CEP112: variants seen among roughly 807,000 people sequenced by gnomAD.
CEP112 encodes centrosomal protein of 112 kDa.
In CEP112, 127 loss-of-function variants were observed where a neutral mutation model predicts 153.0. That is an observed-to-expected ratio of 0.83 (90% CI 0.72 to 0.96). CEP112 has a LOEUF of 0.96. Ranked by LOEUF, CEP112 falls within the 40% of genes least tolerant of loss-of-function variation. The pLI is 0.00. For missense variants in CEP112, 1,089 were observed against 1,101.2 expected (o/e 0.99, Z 0.16); for synonymous variants, 358 against 374.4 (o/e 0.96, Z 0.51).
At chr17:66,017,469 G>C (rs62063368) in intron 16 of CEP112, among the ~76,000 whole-genome samples, 62,503 of 151,898 alleles carry the variant, frequency 0.41, 14,316 homozygotes, top group East Asian at 0.87. Context: ...ATATCCCTAG[G>C]ACCCAGGATA....
chr17:66,040,306 C>T, intron 12 of CEP112, among the ~76,000 whole-genome samples: 1 of 152,140 alleles, frequency 6.6e-6, no homozygotes, highest in African/African-American at 2.4e-5. Context: ...ATAATTTGAG[C>T]ACCTTTTTAA....
intron 17 of CEP112, among the ~76,000 whole-genome samples, chr17:65,990,862 T>C (rs1270107372): frequency 2.6e-5 from 4 of 152,212 alleles, no homozygotes; most frequent in African/African-American, 9.6e-5. Context: ...CCATCTGGCA[T>C]GGAGAAATCT....
intron 6 of CEP112, among the ~76,000 whole-genome samples, chr17:66,100,603 A>G (rs12451310): frequency 1 from 151,938 of 151,942 alleles, 75,967 homozygotes; most frequent in Middle Eastern, 1. Context: ...ATTCCCTGAA[A>G]AAAATAAAAT....
At chr17:66,099,478 TG>T (rs2068475354) in intron 6 of CEP112, among the ~76,000 whole-genome samples, 1 of 128,016 alleles carries the variant, frequency 7.8e-6, no homozygotes, top group East Asian at 2.7e-4. Flanking sequence ...CACTCCAGCC[TG>T]GGTGACAAGA....
At chr17:65,710,241 G>A (rs759847554) in intron 23 of CEP112, among the ~76,000 whole-genome samples, 15 of 152,182 alleles carry the variant, frequency 9.9e-5, no homozygotes, top group African/African-American at 1.2e-4. Context: ...ACTGAAATTC[G>A]ATTTCTTCTT....
At chr17:65,956,618 CAG>C (rs146310365) in intron 18 of CEP112, among the ~76,000 whole-genome samples, 62,594 of 150,618 alleles carry the variant, frequency 0.42, 14,281 homozygotes, top group East Asian at 0.87. Context: ...TCTGGGGACT[CAG>C]GGGGAAGACT....
At chr17:66,034,222 T>C (rs1393968458) in intron 12 of CEP112, among the ~76,000 whole-genome samples, 1 of 152,118 alleles carries the variant, frequency 6.6e-6, no homozygotes, top group Admixed American at 6.5e-5. Context: ...TTATAGAAAA[T>C]ATTAGCATTT....
chr17:65,887,982 C>T (rs2059341839), intron 20 of CEP112, among the ~76,000 whole-genome samples: 1 of 152,066 alleles, frequency 6.6e-6, no homozygotes, highest in Non-Finnish European at 1.5e-5. Context: ...TTGCACTTCC[C>T]TGTTTTTTTT....
At chr17:65,933,150 GT>G (rs1254406855) in intron 18 of CEP112, among the ~76,000 whole-genome samples, 1 of 151,870 alleles carries the variant, frequency 6.6e-6, no homozygotes, top group African/African-American at 2.4e-5. Flanking sequence ...GGAGCAAAAA[GT>G]AAAAAGAATA....
chr17:66,018,825 T>A (rs2064878737), intron 16 of CEP112, among the ~76,000 whole-genome samples: 1 of 152,188 alleles, frequency 6.6e-6, no homozygotes, highest in African/African-American at 2.4e-5. Flanking sequence ...TTCAGTACAT[T>A]TTAGAACGTA....
chr17:65,663,172 C>T (rs1210914321), intron 24 of CEP112, among the ~76,000 whole-genome samples: 1 of 151,982 alleles, frequency 6.6e-6, no homozygotes, highest in African/African-American at 2.4e-5. Flanking sequence ...TTCTTTATGT[C>T]CTTAGGAAGC....
chr17:66,029,702 C>CTAAA (rs144628903), intron 13 of CEP112, among the ~76,000 whole-genome samples, 167 bp downstream of exon 13: 11,068 of 70,388 alleles, frequency 0.16, 1,315 homozygotes, highest in African/African-American at 0.36. Flanking sequence ...GACCCTGTCT[C>CTAAA]TAAATAAACA....
intron 6 of CEP112, among the ~76,000 whole-genome samples, chr17:66,111,081 G>C (rs1267667628): frequency 6.6e-6 from 1 of 152,028 alleles, no homozygotes; most frequent in Non-Finnish European, 1.5e-5. Flanking sequence ...AGACATACAC[G>C]TGGCCAACAA....
intron 6 of CEP112, among the ~76,000 whole-genome samples, chr17:66,100,415 A>G (rs1401435856): frequency 5.9e-5 from 9 of 151,442 alleles, no homozygotes; most frequent in Non-Finnish European, 1.0e-4. Context: ...AACAGAAAAA[A>G]AAAAAAAAAA....
chr17:66,130,724 C>T (rs1189706235), intron 5 of CEP112, among the ~76,000 whole-genome samples: 2 of 132,776 alleles, frequency 1.5e-5, no homozygotes, highest in Non-Finnish European at 3.1e-5. Context: ...TGCAGTGAGC[C>T]AAGATCACGC....
At chr17:65,918,516 G>A (rs1020680414) in intron 19 of CEP112, among the ~76,000 whole-genome samples, 2 of 152,114 alleles carry the variant, frequency 1.3e-5, no homozygotes, top group Non-Finnish European at 2.9e-5. Context: ...CTGGCCACTT[G>A]TTTATCTGCT....
At position 66,191,242 on chromosome 17, in the gene CEP112, T is replaced by TAA. The variant is rs1279273867; in HGVS notation, c.-9+754_-9+755insTT. Among the ~76,000 whole-genome samples the TAA allele has an allele frequency of 6.6e-6, 1 of 152,192 alleles. No homozygotes were observed. The highest frequency in any genetic ancestry group is 2.4e-5 in the African/African-American group (1 of 41,452). On this transcript the variant is annotated intron_variant, in intron 1 of 26. Transcript: ENST00000535342. This position sits in a 1 kb window ranked among gnomAD's most constrained non-coding sequence, Gnocchi z 4.2. ...CAGCTGGGCCTGAACACTGCACAAATTATTAATACCATGCATTCCACTAAG... is the reference window on the plus strand; with the variant it reads ...CAGCTGGGCCTGAACACTGCACAAATAATATTAATACCATGCATTCCACTAAG...
At chr17:65,901,125 A>G (rs1252344975) in intron 20 of CEP112, among the ~76,000 whole-genome samples, 1 of 152,220 alleles carries the variant, frequency 6.6e-6, no homozygotes, top group Admixed American at 6.5e-5. Flanking sequence ...GTTTATGTTT[A>G]GATAATCACA....
chr17:65,934,458 A>G (rs1469396733), intron 18 of CEP112, among the ~76,000 whole-genome samples: 2 of 152,228 alleles, frequency 1.3e-5, no homozygotes, highest in East Asian at 3.9e-4. Flanking sequence ...GAAAGATAGC[A>G]AGTGAGGAAG....
Sources: allele counts gnomAD v4.1 joint callset (sites outside exome capture counted in the v4.1 genomes callset), GRCh38; gene constraint gnomAD v4.1.1; non-coding constraint Gnocchi (gnomAD v3.1); transcripts MANE v1.5; gene names NCBI Gene and HGNC (gene_info 2026-07-23, HGNC 2026-07-21).